The following FMN1 variants were observed in gnomAD, a reference collection of about 807,000 sequenced individuals.
FMN1 encodes formin 1.
Under a neutral mutation model 132.4 loss-of-function variants are expected in FMN1, and 110 were observed. The observed-to-expected ratio is 0.83, with a 90% CI of 0.71 to 0.97. The LOEUF is 0.97. Among genes scored for constraint, FMN1 ranks in the 50% least tolerant of loss-of-function variants. The probability of loss-of-function intolerance (pLI) is 0.00; values close to 1 mark genes in which losing one functional copy is unlikely to be tolerated. For missense variants in FMN1, 1,792 were observed against 1,705.3 expected (o/e 1.05, Z -0.90); for synonymous variants, 722 against 651.7 (o/e 1.11, Z -1.64).
At chr15:32,833,092 C>T (rs2058541576) in intron 17 of FMN1, among the ~76,000 whole-genome samples, 1 of 152,178 alleles carries the variant, frequency 6.6e-6, no homozygotes, top group Admixed American at 6.5e-5. Context: ...CCACCACTCC[C>T]AGCAGCTGTT....
chr15:33,067,030 C>G, intron 5 of FMN1: 6 of 1,614,026 alleles, frequency 3.7e-6, no homozygotes, highest in Non-Finnish European at 5.1e-6. Flanking sequence ...CGGTAGCCCC[C>G]TTCTTCAGCA....
intron 4 of FMN1, chr15:33,150,307 C>T (rs1964391901): frequency 4.1e-6 from 4 of 985,344 alleles, no homozygotes; most frequent in Admixed American, 6.1e-5. Context: ...AGACCATACT[C>T]CACAAAGGCT....
intron 10 of FMN1, among the ~76,000 whole-genome samples, chr15:32,912,690 G>A (rs948973500): frequency 2.6e-5 from 4 of 151,972 alleles, no homozygotes; most frequent in African/African-American, 7.3e-5. Context: ...CCAGGGAGAG[G>A]TAACTGCAAA....
intron 4 of FMN1, among the ~76,000 whole-genome samples, chr15:33,104,143 TA>T (rs1211229946): frequency 1.3e-5 from 2 of 152,144 alleles, no homozygotes; most frequent in Non-Finnish European, 2.9e-5. Flanking sequence ...AAACATTCCC[TA>T]AAACGACTTC....
chr15:33,062,116 G>A, intron 6 of FMN1, among the ~76,000 whole-genome samples: 2 of 152,118 alleles, frequency 1.3e-5, no homozygotes, highest in Admixed American at 6.5e-5. Context: ...GTAATTTTTA[G>A]GGATAGGTAT....
intron 17 of FMN1, among the ~76,000 whole-genome samples, chr15:32,812,421 T>A (rs1294868155): frequency 6.6e-6 from 1 of 152,224 alleles, no homozygotes; most frequent in Non-Finnish European, 1.5e-5. Flanking sequence ...TTGGGATACT[T>A]GCATATACAT....
intron 10 of FMN1, among the ~76,000 whole-genome samples, chr15:32,919,145 A>G (rs2140312589): frequency 6.7e-6 from 1 of 148,860 alleles, no homozygotes; most frequent in East Asian, 1.9e-4. Flanking sequence ...CTTTGCTTTC[A>G]ACATATTGTG....
At chr15:32,862,491 G>GT (rs1319493560) in intron 16 of FMN1, among the ~76,000 whole-genome samples, 1 of 152,154 alleles carries the variant, frequency 6.6e-6, no homozygotes, top group African/African-American at 2.4e-5. Flanking sequence ...TCACTTACAG[G>GT]TTAAACACTG....
chr15:33,045,101 C>T, intron 6 of FMN1, among the ~76,000 whole-genome samples: 1 of 152,238 alleles, frequency 6.6e-6, no homozygotes, highest in Admixed American at 6.5e-5. Flanking sequence ...TTTCTGGCTT[C>T]TCCCAAGATT....
chr15:33,074,799 T>G (rs1338845120), intron 5 of FMN1, among the ~76,000 whole-genome samples: 1 of 152,090 alleles, frequency 6.6e-6, no homozygotes, highest in South Asian at 2.1e-4. Flanking sequence ...GCGGATCACT[T>G]GAGGCCAAGA....
intron 7 of FMN1, among the ~76,000 whole-genome samples, chr15:32,974,325 C>CAG (rs1029156241): frequency 6.6e-5 from 10 of 152,116 alleles, no homozygotes. Flanking sequence ...TAAGTTTTAC[C>CAG]TACCTTCCTT....
intron 5 of FMN1, chr15:33,067,365 A>G (rs1465107764): frequency 1.2e-6 from 2 of 1,613,972 alleles, no homozygotes; most frequent in Admixed American, 1.7e-5. Flanking sequence ...GATGGCTCAG[A>G]TAAAACACCA....
chr15:33,166,156 G>T (rs1965098143), intron 3 of FMN1, among the ~76,000 whole-genome samples: 2 of 152,138 alleles, frequency 1.3e-5, no homozygotes, highest in Non-Finnish European at 2.9e-5. Context: ...TGCGGTTATT[G>T]TCACTGTATA....
chr15:32,979,575 A>G (rs952654074), intron 7 of FMN1, among the ~76,000 whole-genome samples: 6 of 151,588 alleles, frequency 4.0e-5, no homozygotes, highest in Non-Finnish European at 8.8e-5. Flanking sequence ...AAAAAAAAAA[A>G]AAAAGAAACC....
At chr15:32,924,105 G>A (rs1365038798) in intron 10 of FMN1, among the ~76,000 whole-genome samples, 2 of 151,980 alleles carry the variant, frequency 1.3e-5, no homozygotes, top group African/African-American at 4.8e-5. Flanking sequence ...ACATTCTTCT[G>A]ATGTGAATTT....
At chr15:32,887,919 A>T (rs909487647) in intron 16 of FMN1, among the ~76,000 whole-genome samples, 1 of 152,168 alleles carries the variant, frequency 6.6e-6, no homozygotes, top group Non-Finnish European at 1.5e-5. Flanking sequence ...ATAACTACTA[A>T]ATGTTAGAAA....
chr15:33,005,965 T>C (rs559834170), intron 7 of FMN1, among the ~76,000 whole-genome samples: 1 of 152,302 alleles, frequency 6.6e-6, no homozygotes, highest in African/African-American at 2.4e-5. Flanking sequence ...TGAAATTGAC[T>C]CATTTTCTCT....
intron 19 of FMN1, among the ~76,000 whole-genome samples, chr15:32,779,990 G>A (rs184961444): frequency 6.6e-6 from 1 of 152,302 alleles, no homozygotes; most frequent in East Asian, 1.9e-4. Context: ...AAGAGCTCAG[G>A]CTCCAAAGCC....
intron 5 of FMN1, among the ~76,000 whole-genome samples, chr15:33,077,512 C>A (rs1012330740): frequency 6.6e-6 from 1 of 151,842 alleles, no homozygotes; most frequent in Admixed American, 6.6e-5. Flanking sequence ...TATCCCTCCC[C>A]CTTCCCCTGA....
Sources: gnomAD v4.1 joint callset for allele counts (sites outside exome capture counted in the v4.1 genomes callset) on GRCh38, gnomAD v4.1.1 for gene constraint, MANE v1.5 for transcripts, NCBI Gene and HGNC (gene_info 2026-07-23, HGNC 2026-07-21) for gene names.